Variants in TMEM62 observed in about 807,000 individuals in gnomAD.
TMEM62 encodes transmembrane protein 62.
A neutral mutation model predicts 70.4 loss-of-function variants in TMEM62; 41 were observed. The ratio of observed to expected loss-of-function variants is 0.58; its 90% CI spans 0.45 to 0.76. TMEM62 has a LOEUF of 0.76. Among genes scored for constraint, TMEM62 ranks in the 30% least tolerant of loss-of-function variants. TMEM62 has a pLI of 0.00. For synonymous variants in TMEM62, 268 were observed against 291.0 expected (o/e 0.92, Z 0.80); for missense variants, 688 against 788.5 (o/e 0.87, Z 1.53).
chr15:43,142,161 AT>A (rs2036105360), intron 4 of TMEM62, among the ~76,000 whole-genome samples: 1 of 127,358 alleles, frequency 7.9e-6, no homozygotes, highest in Non-Finnish European at 1.6e-5. Flanking sequence ...CTATAGAGAA[AT>A]TCTTTTTTTT....
chr15:43,164,692 G>T (rs1016362775), intron 10 of TMEM62, among the ~76,000 whole-genome samples: 6 of 152,036 alleles, frequency 3.9e-5, no homozygotes, highest in Non-Finnish European at 7.4e-5. Flanking sequence ...TTTTCTTTCA[G>T]ACTGAAGAAC....
chr15:43,169,342 C>A (rs1198142902), intron 10 of TMEM62, among the ~76,000 whole-genome samples: 2 of 152,140 alleles, frequency 1.3e-5, no homozygotes, highest in Admixed American at 1.3e-4. Flanking sequence ...TACTTTATCA[C>A]TCTAGAGCTG....
At chr15:43,178,132 T>C (rs1482771784) in intron 11 of TMEM62, among the ~76,000 whole-genome samples, 1 of 152,132 alleles carries the variant, frequency 6.6e-6, no homozygotes, top group Non-Finnish European at 1.5e-5. Context: ...TGATATACCT[T>C]TTTGAAGTTT....
At chr15:43,171,226 C>T (rs1596331801) in intron 11 of TMEM62, among the ~76,000 whole-genome samples, 1 of 152,036 alleles carries the variant, frequency 6.6e-6, no homozygotes, top group East Asian at 1.9e-4. Flanking sequence ...GTCCTAGCTA[C>T]TCGGGAGGCT....
At chr15:43,174,873 A>ATCAG (rs1279153905) in intron 11 of TMEM62, among the ~76,000 whole-genome samples, 1 of 152,248 alleles carries the variant, frequency 6.6e-6, no homozygotes, top group Non-Finnish European at 1.5e-5. Flanking sequence ...GGACCTAAGC[A>ATCAG]TCAGTATCTT....
At position 43,160,725 on chromosome 15, in the gene TMEM62, T is replaced by G. The variant is rs1274521119; in HGVS notation, c.1227T>G (p.Val409=). 2.5e-6 allele frequency: 4 copies of G among 1,613,148 alleles called. No homozygotes were observed. In the South Asian group the frequency reaches 3.3e-5, roughly 13 times the overall value. ...RSKSVHHIFS[V]QENNHLSFDP... Reference sequence around the variant, plus strand: ...AGAGTGTTCACCACATATTTTCTGTTCAAGAGAATAATCATCTCAGTTTTG... The same window carrying G: ...AGAGTGTTCACCACATATTTTCTGTGCAAGAGAATAATCATCTCAGTTTTG... Residue 409 remains valine (V), a synonymous_variant, in exon 10 of 14, where the codon GTT becomes GTG. Transcript: ENST00000260403.
At chr15:43,133,224 A>C (rs1298464583), upstream of TMEM62, 2 of 152,280 alleles carry the variant, frequency 1.3e-5, no homozygotes, top group African/African-American at 4.8e-5. Flanking sequence ...GGAATGGTAG[A>C]GGGAAGGGGA....
chr15:43,135,685 GT>G (rs775047961), intron 3 of TMEM62, 36 bp downstream of exon 3: 303 of 1,536,202 alleles, frequency 2.0e-4, no homozygotes, highest in Middle Eastern at 1.7e-3. Context: ...AAAGACAAGA[GT>G]TTTTTTCCCC....
chr15:43,146,743 G>C (rs2036718774), intron 5 of TMEM62, 109 bp downstream of exon 5: 6 of 1,035,714 alleles, frequency 5.8e-6, no homozygotes, highest in Non-Finnish European at 6.8e-6. Flanking sequence ...GGAATGCTTT[G>C]GAGAAATTTA....
Position 43,160,601 on chromosome 15 carries a change from A to G in TMEM62, c.1183-80A>G, listed in dbSNP as rs1230572721. 3 of 714,116 alleles carry G rather than the reference A, an allele frequency of 4.2e-6. No individual in the cohort carries two copies. The African/African-American group carries it at 5.5e-5, about 13-fold the overall frequency. The allele number at this position is 714,116 out of a possible 1,614,324, so 44.2% of individuals were successfully genotyped here. On this transcript the variant is annotated intron_variant, in intron 9 of 13. Coordinates refer to ENST00000260403, the MANE Select transcript of TMEM62 (RefSeq NM_024956.4). ...CAACAACAAAGTGTAGTTATTAGAA[A>G]CCTATTCTTATTTTAATTTAGAACA...
At chr15:43,178,169 A>C (rs1266910501) in intron 11 of TMEM62, among the ~76,000 whole-genome samples, 3 of 152,116 alleles carry the variant, frequency 2.0e-5, no homozygotes, top group Non-Finnish European at 4.4e-5. Flanking sequence ...AATTCCATAG[A>C]AAACAGAGAC....
chr15:43,182,138 CAAAG>C (rs2041391757), intron 13 of TMEM62, among the ~76,000 whole-genome samples: 1 of 152,302 alleles, frequency 6.6e-6, no homozygotes, highest in South Asian at 2.1e-4. Flanking sequence ...AATAAACACA[CAAAG>C]AACCTTGATC....
Position 43,133,638 on chromosome 15 carries a change from AC to A in TMEM62, c.-162del, listed in dbSNP as rs1417286446. 2.0e-5 allele frequency: 9 copies of A among 446,892 alleles called. No homozygotes were observed. The highest frequency in any genetic ancestry group is 3.3e-5 in the Non-Finnish European group (9 of 274,424). The allele number at this position is 446,892 out of a possible 1,614,324, so 27.7% of individuals were successfully genotyped here. On this transcript the variant is annotated 5_prime_UTR_variant, in exon 1 of 14. Transcript: ENST00000260403. ...CTGGGCGGCGGCTGACGGGCGCAGC[AC>A]CCTAGGCCCAGTGTCTGGCTCCAGC...
chr15:43,134,014 G>T, intron 1 of TMEM62, 32 bp downstream of exon 1: 1 of 1,435,324 alleles, frequency 7.0e-7, no homozygotes, highest in Non-Finnish European at 9.1e-7. Context: ...CCGGGAGGCA[G>T]GTGCAGATCG....
At position 43,184,377 on chromosome 15, in the gene TMEM62, G is replaced by C; in HGVS notation, c.1723G>C (p.Val575Leu). 1 of 1,614,178 alleles carries C rather than the reference G, an allele frequency of 6.2e-7. No homozygotes were observed. Among genetic ancestry groups the C allele is most frequent in the South Asian group, 1.1e-5 (1 of 91,084 alleles). ...AAGAAAATACTTGAAAATTATGCCTGTTCACCTACTTATGCTACTGCTGTA... is the reference window on the plus strand; with the variant it reads ...AAGAAAATACTTGAAAATTATGCCTCTTCACCTACTTATGCTACTGCTGTA... ...HQRKYLKIMP[V>L]HLLMLLLYIW... The change falls in exon 14 of 14, where the codon GTT (valine) becomes CTT (leucine). Residue 575 changes from valine to leucine, a missense_variant. Transcript: ENST00000260403.
intron 4 of TMEM62, among the ~76,000 whole-genome samples, chr15:43,140,506 C>G (rs184129796): frequency 7.1e-6 from 1 of 141,706 alleles, no homozygotes; most frequent in East Asian, 2.1e-4. Flanking sequence ...AGAACTCTCC[C>G]TCTCCCATCT....
chr15:43,170,286 C>G (rs11632170), intron 11 of TMEM62, among the ~76,000 whole-genome samples: 1 of 152,188 alleles, frequency 6.6e-6, no homozygotes, highest in Non-Finnish European at 1.5e-5. Context: ...CCCTTTCCAT[C>G]GTGGCTGAGA....
intron 5 of TMEM62, among the ~76,000 whole-genome samples, chr15:43,148,290 T>C (rs2036923390): frequency 1.3e-5 from 2 of 152,216 alleles, no homozygotes; most frequent in African/African-American, 4.8e-5. Context: ...CAGTAGTTCT[T>C]TCCTTTCTGT....
At chr15:43,175,827 G>A (rs2040668862) in intron 11 of TMEM62, among the ~76,000 whole-genome samples, 1 of 152,190 alleles carries the variant, frequency 6.6e-6, no homozygotes, top group Admixed American at 6.5e-5. Context: ...GCCAGACAGT[G>A]GGCGCAGGAC....
Sources: gnomAD v4.1 joint callset for allele counts (sites outside exome capture counted in the v4.1 genomes callset) on GRCh38, gnomAD v4.1.1 for gene constraint, MANE v1.5 for transcripts, NCBI Gene and HGNC (gene_info 2026-07-23, HGNC 2026-07-21) for gene names.